The following AKIP1 variants were observed in gnomAD, a reference collection of about 807,000 sequenced individuals.
The protein encoded by AKIP1 is A-kinase-interacting protein 1.
A neutral mutation model predicts 22.3 loss-of-function variants in AKIP1; 18 were observed. That is an observed-to-expected ratio of 0.81 (90% confidence interval 0.56 to 1.19). The LOEUF is 1.19. AKIP1 is among the 50% of genes most tolerant of loss of function. The pLI, the probability that AKIP1 is intolerant of heterozygous loss-of-function variation, is 0.00. For synonymous variants in AKIP1, 120 were observed against 102.7 expected, an observed-to-expected ratio of 1.17 and a Z score of -1.02; for missense variants, 287 against 264.6, an observed-to-expected ratio of 1.08 and a Z score of -0.59.
At chr11:8,918,262 ATAGT>A (rs1207825753) in intron 5 of AKIP1, 1 of 152,254 alleles carries the variant, frequency 6.6e-6, no homozygotes. Context: ...CAACCAATAA[ATAGT>A]TAATGACATT....
At chr11:8,913,083 G>C (rs1228394308) in intron 3 of AKIP1, among the ~76,000 whole-genome samples, 1 of 148,452 alleles carries the variant, frequency 6.7e-6, no homozygotes, top group Non-Finnish European at 1.5e-5. Context: ...GTTTCACTGT[G>C]TTACCCAGGA....
In AKIP1 at chr11:8,912,377, G is replaced by C. The variant is rs1314761097; in HGVS notation, c.223-76G>C. On this transcript the variant is annotated intron_variant, in intron 2 of 5. Transcript: ENST00000309377. ...AGAGCCTTTCCAAAAGTAAAAAGGA[G>C]ACTATTTCCAAAATGGCTTCATTCT... The C allele has an allele frequency of 2.4e-5, 28 of 1,186,642 alleles. No individual in the cohort carries two copies. In the South Asian group the frequency reaches 3.1e-4, roughly 13 times the overall value. The allele number at this position is 1,186,642 out of a possible 1,614,324, so 73.5% of individuals were successfully genotyped here. A position where few individuals can be genotyped will look rare whatever the true frequency, so the allele number is the denominator to read the frequency against.
At chr11:8,915,366 T>TC (rs1566105740) in intron 4 of AKIP1, among the ~76,000 whole-genome samples, 7 of 134,604 alleles carry the variant, frequency 5.2e-5, no homozygotes, top group Non-Finnish European at 1.7e-5. Context: ...TTCTTTTTTT[T>TC]TTTTTTTTTT....
At chr11:8,911,936 G>T (rs975454199) in intron 2 of AKIP1, among the ~76,000 whole-genome samples, 29 of 151,464 alleles carry the variant, frequency 1.9e-4, no homozygotes, top group Non-Finnish European at 2.9e-4. Context: ...GGTGGCTCAT[G>T]CCTGCAATCC....
chr11:8,918,613 T>C (rs983113189), intron 5 of AKIP1, among the ~76,000 whole-genome samples: 2 of 152,104 alleles, frequency 1.3e-5, no homozygotes, highest in Admixed American at 1.3e-4. Flanking sequence ...TTTGTGACTT[T>C]GTCCTTTTAC....
In AKIP1 at chr11:8,919,536, C is replaced by A; in HGVS notation, c.*56C>A. 6.4e-7 allele frequency: 1 copy of A among 1,567,084 alleles called. No homozygotes were observed. Among genetic ancestry groups the A allele is most frequent in the South Asian group, 1.2e-5 (1 of 85,580 alleles). On this transcript the variant is annotated 3_prime_UTR_variant, in exon 6 of 6. Transcript: ENST00000309377. ...TTTTTAAGTAGTAAGAATAAAGCCA[C>A]TGTATGATTCTCTTAATAGCTATAC...
chr11:8,912,789 G>T (rs1031710502), intron 3 of AKIP1, among the ~76,000 whole-genome samples: 1 of 150,664 alleles, frequency 6.6e-6, no homozygotes, highest in South Asian at 2.1e-4. Context: ...TGCCCTCAGT[G>T]ATCTTTCAGT....
Position 8,914,923 on chromosome 11 carries a change from A to G in AKIP1, c.401A>G (p.Asn134Ser). Residue 134 changes from asparagine to serine, a missense_variant, in exon 4 of 6, where the codon AAT (asparagine) becomes AGT (serine). Physicochemically the swap from Asn to Ser is conservative, Grantham distance 46. Coordinates refer to ENST00000309377, the MANE Select transcript of AKIP1 (RefSeq NM_020642.4). ...SKLHMCLDIGNGQRKDRKKTS... is the reference protein window; with the variant it reads ...SKLHMCLDIGSGQRKDRKKTS... Reference sequence around the variant, plus strand: ...CTGCACATGTGCTTGGACATAGGGAATGGTCAGGTAAGTGTACTCAACTGT... The same window carrying G: ...CTGCACATGTGCTTGGACATAGGGAGTGGTCAGGTAAGTGTACTCAACTGT... 6 of 1,613,050 alleles carry G rather than the reference A, an allele frequency of 3.7e-6. No individual in the cohort carries two copies. The highest frequency in any genetic ancestry group is 5.1e-6 in the Non-Finnish European group (6 of 1,179,354).
rs187913858 is a variant in AKIP1, at chr11:8,913,572, T to C, written c.303+1039T>C. On this transcript the variant is annotated intron_variant, in intron 3 of 5. Coordinates refer to ENST00000309377, the MANE Select transcript of AKIP1 (RefSeq NM_020642.4). Reference sequence around the variant, plus strand: ...TACCTGCATGGAAGGCACTGTCTTCTAGGAATTACAGCAGGCTCTGGCCTC... The same window carrying C: ...TACCTGCATGGAAGGCACTGTCTTCCAGGAATTACAGCAGGCTCTGGCCTC... Among the ~76,000 whole-genome samples the C allele has an allele frequency of 1.2e-4, 18 of 152,348 alleles. No individual in the cohort carries two copies. In the East Asian group the frequency reaches 2.7e-3, roughly 23 times the overall value.
rs1003933611 is a variant in AKIP1 at position 8,919,981 on chromosome 11, G to A, written c.*501G>A. On this transcript the variant is annotated 3_prime_UTR_variant, in exon 6 of 6. Coordinates refer to ENST00000309377, the MANE Select transcript of AKIP1 (RefSeq NM_020642.4). ...GAGGGTGTAGAGGTCCTCCACGCTT[G>A]TTTGCCTGAAAGTAATATAATGATG... 4 of 161,384 alleles carry A rather than the reference G, an allele frequency of 2.5e-5. No homozygotes were observed. The highest frequency in any genetic ancestry group is 9.5e-5 in the African/African-American group (4 of 41,890). 10.0% of individuals were successfully genotyped at this position (161,384 alleles called of 1,614,324 possible).
intron 5 of AKIP1, 66 bp from the exon 6 acceptor site, chr11:8,919,271 C>A: frequency 6.7e-7 from 1 of 1,501,482 alleles, no homozygotes; most frequent in South Asian, 1.3e-5. Context: ...AGGTAGCCTG[C>A]TGGGGGGCCA....
chr11:8,919,502 C>G lies in AKIP1; in HGVS notation c.*22C>G, dbSNP rs1286853605. The G allele has an allele frequency of 6.2e-7, 1 of 1,609,174 alleles. No individual in the cohort carries two copies. Among genetic ancestry groups the G allele is most frequent in the Non-Finnish European group, 8.5e-7 (1 of 1,178,276 alleles). On this transcript the variant is annotated 3_prime_UTR_variant, in exon 6 of 6. Transcript: ENST00000309377. ...GTGATGTTGACCATCACTGCCATCA[C>G]ATCACCTTTTTTTAAGTAGTAAGAA...
intron 4 of AKIP1, 59 bp downstream of exon 4, chr11:8,914,989 T>A: frequency 7.5e-7 from 1 of 1,328,040 alleles, no homozygotes; most frequent in Non-Finnish European, 1.1e-6. Context: ...TGACACCCTA[T>A]ATTCAAGAGC....
intron 2 of AKIP1, 54 bp downstream of exon 2, chr11:8,911,725 C>T (rs2064356765): frequency 6.9e-6 from 10 of 1,447,634 alleles, no homozygotes; most frequent in Non-Finnish European, 9.1e-6. Context: ...CGGTAGCCCG[C>T]TGGGAGCCAG....
chr11:8,919,459 G>A lies in AKIP1; in HGVS notation c.612G>A (p.Val204=), dbSNP rs138839979. Residue 204 remains valine (V), a synonymous_variant, in exon 6 of 6, where the codon GTG becomes GTA. Transcript: ENST00000309377. ...HVVAVDSGQS[V]DLVFPV Reference sequence around the variant, plus strand: ...TAGCAGTTGATTCTGGACAAAGCGTGGACCTGGTCTTCCCTGTGTGATGTT... The same window carrying A: ...TAGCAGTTGATTCTGGACAAAGCGTAGACCTGGTCTTCCCTGTGTGATGTT... 1.4e-4 allele frequency: 233 copies of A among 1,614,062 alleles called. No homozygotes were observed. The African/African-American group carries it at 2.5e-3, about 18-fold the overall frequency.
chr11:8,911,396 C>G, intron 1 of AKIP1, 48 bp from the exon 2 acceptor site: 5 of 1,494,572 alleles, frequency 3.3e-6, no homozygotes, highest in Non-Finnish European at 4.5e-6. Context: ...GCAGGGTCGC[C>G]GCGGCCCAGC....
At position 8,919,325 on chromosome 11, in the gene AKIP1, T is replaced by C; in HGVS notation, c.490-12T>C. ...AAATCTCTAAACTGCTAATATCCTC[T>C]TTTCCTTCTAGGCTGAGAACATCTC... On this transcript the variant is annotated splice_polypyrimidine_tract_variant and intron_variant, in intron 5 of 5. Transcript: ENST00000309377. 1 of 1,608,998 alleles carries C rather than the reference T, an allele frequency of 6.2e-7. No homozygotes were observed.
chr11:8,911,225 T>G lies in AKIP1; in HGVS notation c.-7+2T>G. 4 of 546,032 alleles carry G rather than the reference T, an allele frequency of 7.3e-6. No individual in the cohort carries two copies. The highest frequency in any genetic ancestry group is 2.4e-5 in the South Asian group (1 of 41,318). 33.8% of individuals were successfully genotyped at this position (546,032 alleles called of 1,614,324 possible). A position where few individuals can be genotyped will look rare whatever the true frequency, so the allele number is the denominator to read the frequency against. ...CATGCGCCTTGACGAGTGAGCCGGG[T>G]GAGGGGGCTCCCTAAGTAGCGGAAG... On this transcript the variant is annotated splice_donor_variant, in intron 1 of 5. Coordinates refer to ENST00000309377, the MANE Select transcript of AKIP1 (RefSeq NM_020642.4). LOFTEE classifies it low-confidence loss of function (5UTR_SPLICE).
In AKIP1 at chr11:8,919,771, G is replaced by C. The variant is rs930376183; in HGVS notation, c.*291G>C. The C allele has an allele frequency of 4.6e-5, 11 of 236,582 alleles. No homozygotes were observed. Among genetic ancestry groups the C allele is most frequent in the Non-Finnish European group, 6.6e-5 (8 of 121,322 alleles). 14.7% of individuals were successfully genotyped at this position (236,582 alleles called of 1,614,324 possible). Reference sequence around the variant, plus strand: ...CCTGCCTCAGCCTCCCGAGTAGCTGGCACTACAGGCACCCGCCACCATGCC... The same window carrying C: ...CCTGCCTCAGCCTCCCGAGTAGCTGCCACTACAGGCACCCGCCACCATGCC... On this transcript the variant is annotated 3_prime_UTR_variant, in exon 6 of 6. Coordinates refer to ENST00000309377, the MANE Select transcript of AKIP1 (RefSeq NM_020642.4).
Sources: allele counts gnomAD v4.1 joint callset (sites outside exome capture counted in the v4.1 genomes callset), GRCh38; gene constraint gnomAD v4.1.1; transcripts MANE v1.5; gene names NCBI Gene and HGNC (gene_info 2026-07-23, HGNC 2026-07-21).